GNG7: variants seen among roughly 807,000 people sequenced by gnomAD.
GNG7 encodes the protein guanine nucleotide-binding protein G(I)/G(S)/G(O) subunit gamma-7.
GNG7 carries 1 observed loss-of-function variant against 4.0 expected under a neutral mutation model. That is an observed-to-expected ratio of 0.25 (90% CI 0.09 to 1.18). The LOEUF (loss-of-function observed/expected upper bound fraction) is 1.18. Among genes scored for constraint, GNG7 ranks in the 50% most tolerant of loss-of-function variants. The probability of loss-of-function intolerance (pLI) is 0.50; values close to 1 mark genes in which losing one functional copy is unlikely to be tolerated. For missense variants in GNG7, 86 were observed against 91.9 expected (o/e 0.94, Z 0.26); for synonymous variants, 34 against 36.9 (o/e 0.92, Z 0.29).
At position 2,512,965 on chromosome 19, in the gene GNG7, G is replaced by A; in HGVS notation, c.*2057C>T. The A allele has an allele frequency of 2.0e-6, 2 of 985,462 alleles. No individual in the cohort carries two copies. The highest frequency in any genetic ancestry group is 4.7e-5 in the South Asian group (1 of 21,290). The allele number at this position is 985,462 out of a possible 1,614,324, so 61.0% of individuals were successfully genotyped here. A position where few individuals can be genotyped will look rare whatever the true frequency, so the allele number is the denominator to read the frequency against. ...CCACAGGAGGCTGCAGTCTCCGGGAGCCTCTGGGGCTCTCCCGGGCCAACA... is the reference window on the plus strand; with the variant it reads ...CCACAGGAGGCTGCAGTCTCCGGGAACCTCTGGGGCTCTCCCGGGCCAACA... On this transcript the variant is annotated 3_prime_UTR_variant, in exon 5 of 5. Transcript: ENST00000382159. The surrounding 1 kb of genome is among the most constrained non-coding windows in gnomAD (Gnocchi z 4.7).
At chr19:2,569,594 CA>C (rs1980084477) in intron 2 of GNG7, among the ~76,000 whole-genome samples, 1 of 152,118 alleles carries the variant, frequency 6.6e-6, no homozygotes, top group Admixed American at 6.6e-5. Flanking sequence ...CATTCTTAAA[CA>C]AAAAGTGTGA....
chr19:2,627,611 G>A (rs1273935143), intron 2 of GNG7, among the ~76,000 whole-genome samples: 1 of 152,230 alleles, frequency 6.6e-6, no homozygotes, highest in African/African-American at 2.4e-5. Flanking sequence ...AGGGTGACTG[G>A]CTCGAGACTT....
chr19:2,590,319 G>C (rs72976809), intron 2 of GNG7, among the ~76,000 whole-genome samples: 1 of 152,022 alleles, frequency 6.6e-6, no homozygotes. Flanking sequence ...TTTCTCTATC[G>C]GGCACATAAC....
At chr19:2,560,394 G>A (rs1265238057) in intron 2 of GNG7, among the ~76,000 whole-genome samples, 1 of 152,042 alleles carries the variant, frequency 6.6e-6, no homozygotes, top group Non-Finnish European at 1.5e-5. Context: ...GAGGAGGTCC[G>A]ACCTGCTTTA....
At chr19:2,573,581 C>T (rs1483367382) in intron 2 of GNG7, among the ~76,000 whole-genome samples, 1 of 151,964 alleles carries the variant, frequency 6.6e-6, no homozygotes, top group Non-Finnish European at 1.5e-5. Flanking sequence ...GTTTCGGAGG[C>T]CGAGGCGGGC....
intron 2 of GNG7, among the ~76,000 whole-genome samples, chr19:2,565,511 CAAA>C (rs147226705): frequency 8.6e-6 from 1 of 116,510 alleles, no homozygotes; most frequent in Non-Finnish European, 2.0e-5. Context: ...GACTCTGTCT[CAAA>C]AAAAAAAAAA....
At chr19:2,544,588 A>T (rs1979065171) in intron 3 of GNG7, among the ~76,000 whole-genome samples, 1 of 152,102 alleles carries the variant, frequency 6.6e-6, no homozygotes, top group Admixed American at 6.6e-5. Flanking sequence ...ATGGGGTTTC[A>T]CCATGTTGGC....
chr19:2,564,221 T>A (rs569294297), intron 2 of GNG7, among the ~76,000 whole-genome samples: 2 of 152,174 alleles, frequency 1.3e-5, no homozygotes, highest in Non-Finnish European at 2.9e-5. Context: ...ATACGGATCT[T>A]GGGATGAAAT....
At chr19:2,657,838 T>C (rs79317892) in intron 1 of GNG7, among the ~76,000 whole-genome samples, 2,165 of 152,254 alleles carry the variant, frequency 0.014, 33 homozygotes, top group African/African-American at 0.038. Flanking sequence ...GAGATAGCAG[T>C]AACAGAATTA....
At chr19:2,612,828 G>T (rs1981612506) in intron 2 of GNG7, among the ~76,000 whole-genome samples, 1 of 151,400 alleles carries the variant, frequency 6.6e-6, no homozygotes, top group Non-Finnish European at 1.5e-5. Context: ...GGGTAGCTGG[G>T]ACTACAGGTA....
At chr19:2,555,065 A>C (rs1160030873) in intron 3 of GNG7, 84 bp downstream of exon 3, 1 of 152,182 alleles carries the variant, frequency 6.6e-6, no homozygotes, top group Non-Finnish European at 1.5e-5. Flanking sequence ...TGTCAGGCAC[A>C]CATAAAAGAC....
At position 2,611,502 on chromosome 19, in the gene GNG7, G is replaced by C. The variant is rs1981563729; in HGVS notation, c.-78+34722C>G. 6.6e-6 allele frequency: 1 copy of C among 152,202 alleles called. No individual in the cohort carries two copies. The highest frequency in any genetic ancestry group is 1.5e-5 in the Non-Finnish European group (1 of 68,052). The allele number at this position is 152,202 out of a possible 1,614,324, so 9.4% of individuals were successfully genotyped here. ...AGGCAGGTGGGCAAGACGGTGCATA[G>C]CCCGAATCTATTTAATGATTTATTT... is the stretch of plus-strand genomic sequence containing the variant. On this transcript the variant is annotated intron_variant, in intron 2 of 4. Coordinates refer to ENST00000382159, the MANE Select transcript of GNG7 (RefSeq NM_052847.3). The surrounding 1 kb of genome is among the most constrained non-coding windows in gnomAD (Gnocchi z 6.0).
intron 1 of GNG7, among the ~76,000 whole-genome samples, chr19:2,656,029 C>CAAAAAAAAAAAAAA (rs55687607): frequency 2.0e-5 from 2 of 98,090 alleles, no homozygotes; most frequent in African/African-American, 3.7e-5. Context: ...CGATTCAAAA[C>CAAAAAAAAAAAAAA]AAAAAAAAAA....
At chr19:2,683,455 C>T (rs2144901789) in intron 1 of GNG7, 2 of 152,302 alleles carry the variant, frequency 1.3e-5, no homozygotes, top group East Asian at 3.9e-4. Context: ...AGATACTCTC[C>T]ACGCCTTCTG....
intron 1 of GNG7, among the ~76,000 whole-genome samples, chr19:2,647,717 G>C (rs12459699): frequency 0.18 from 27,544 of 151,508 alleles, 3,248 homozygotes; most frequent in East Asian, 0.51. Flanking sequence ...AATCCTGTCT[G>C]AGAAAAAATA....
chr19:2,556,843 G>A (rs975492344), intron 2 of GNG7, among the ~76,000 whole-genome samples: 2 of 152,128 alleles, frequency 1.3e-5, no homozygotes, highest in Non-Finnish European at 2.9e-5. Flanking sequence ...GGTGAGCTGC[G>A]TCCCTGGCAT....
At chr19:2,594,876 G>A (rs1318322234) in intron 2 of GNG7, 2 of 151,998 alleles carry the variant, frequency 1.3e-5, no homozygotes, top group Non-Finnish European at 2.9e-5. Flanking sequence ...CCAGCCCTTT[G>A]GGAGGCTGAG....
intron 3 of GNG7, among the ~76,000 whole-genome samples, chr19:2,531,318 AAAAAAAAAAAG>A: frequency 6.6e-6 from 1 of 150,478 alleles, no homozygotes; most frequent in South Asian, 2.1e-4. Context: ...AAAAAAAAAA[AAAAAAAAAAAG>A]GAGTAAAGAT....
chr19:2,536,039 C>T (rs191680313), intron 3 of GNG7, among the ~76,000 whole-genome samples: 11 of 151,776 alleles, frequency 7.2e-5, no homozygotes, highest in Middle Eastern at 3.4e-3. Flanking sequence ...GCAGGAGGAT[C>T]GCTTGAGTCC....
Sources: gnomAD v4.1 joint callset for allele counts (sites outside exome capture counted in the v4.1 genomes callset) on GRCh38, gnomAD v4.1.1 for gene constraint, Gnocchi (gnomAD v3.1) non-coding constraint, MANE v1.5 for transcripts, NCBI Gene and HGNC (gene_info 2026-07-23, HGNC 2026-07-21) for gene names.